ME3: variants seen among roughly 807,000 people sequenced by gnomAD.
ME3 encodes the protein malic enzyme 3.
Under a neutral mutation model 68.9 loss-of-function variants are expected in ME3, and 48 were observed. That is an observed-to-expected ratio of 0.70 (90% CI 0.55 to 0.89). The LOEUF is 0.89. Among genes scored for constraint, ME3 ranks in the 40% least tolerant of loss-of-function variants. The pLI, the probability that ME3 is intolerant of heterozygous loss-of-function variation, is 0.00. For synonymous variants in ME3, 320 were observed against 318.8 expected (o/e 1.00, Z -0.04); for missense variants, 675 against 797.4 (o/e 0.85, Z 1.85).
intron 2 of ME3, among the ~76,000 whole-genome samples, chr11:86,655,704 T>G (rs1478416658): frequency 6.6e-6 from 1 of 151,678 alleles, no homozygotes; most frequent in Non-Finnish European, 1.5e-5. Context: ...ACTTCATGTC[T>G]AAAACACCAA....
chr11:86,437,332 A>G (rs1948903648), downstream of ME3: 1 of 152,128 alleles, frequency 6.6e-6, no homozygotes, highest in Non-Finnish European at 1.5e-5. Flanking sequence ...GGAAACTTAG[A>G]TTAATTTCAT....
chr11:86,563,642 G>A (rs551642214), intron 2 of ME3, among the ~76,000 whole-genome samples: 27 of 152,226 alleles, frequency 1.8e-4, no homozygotes, highest in Middle Eastern at 6.8e-3. Flanking sequence ...AAAACGAAGA[G>A]GTCCAGTTTT....
At chr11:86,636,895 G>A (rs905627557) in intron 2 of ME3, among the ~76,000 whole-genome samples, 3 of 152,196 alleles carry the variant, frequency 2.0e-5, no homozygotes, top group Non-Finnish European at 4.4e-5. Flanking sequence ...CACAGCAGCT[G>A]GTAAGTAGCA....
At chr11:86,534,399 G>GT (rs2139297689) in intron 4 of ME3, among the ~76,000 whole-genome samples, 1 of 152,134 alleles carries the variant, frequency 6.6e-6, no homozygotes, top group Admixed American at 6.5e-5. Flanking sequence ...CTTAGGCTGG[G>GT]CGAGGTGGCT....
rs1482175040 is a variant in ME3 at position 86,552,190 on chromosome 11, T to A, written c.467+4363A>T. ...TCCCAAGCAGCCATGTGAATAAGTGTTATTTCCATTTCACACATGAGGAGG... is the reference window on the plus strand; with the variant it reads ...TCCCAAGCAGCCATGTGAATAAGTGATATTTCCATTTCACACATGAGGAGG... On this transcript the variant is annotated intron_variant, in intron 4 of 14. Coordinates refer to ENST00000543262, the Ensembl canonical transcript of ME3. 2.6e-5 allele frequency among the ~76,000 whole-genome samples: 4 copies of A among 152,132 alleles called. No homozygotes were observed. In the East Asian group the frequency reaches 7.7e-4, roughly 29 times the overall value.
intron 2 of ME3, among the ~76,000 whole-genome samples, chr11:86,628,726 G>A (rs987851210): frequency 3.3e-5 from 5 of 152,126 alleles, no homozygotes; most frequent in East Asian, 1.9e-4. Flanking sequence ...AGGTAACCAC[G>A]TCAGAAAATG....
chr11:86,661,213 C>T (rs865774328), intron 2 of ME3, among the ~76,000 whole-genome samples: 1 of 152,230 alleles, frequency 6.6e-6, no homozygotes, highest in African/African-American at 2.4e-5. Flanking sequence ...AGAGCCATGA[C>T]TACTACAAAT....
At chr11:86,520,952 C>G (rs564732405) in intron 4 of ME3, among the ~76,000 whole-genome samples, 1 of 152,214 alleles carries the variant, frequency 6.6e-6, no homozygotes, top group African/African-American at 2.4e-5. Flanking sequence ...CTCTAGAGTT[C>G]CATGACTCTA....
At chr11:86,465,244 G>A in intron 7 of ME3, 44 bp from the exon 8 acceptor site, 1 of 1,448,908 alleles carries the variant, frequency 6.9e-7, no homozygotes, top group African/African-American at 1.4e-5. Flanking sequence ...CCTCTCTGAG[G>A]CAGATCCCTG....
intron 5 of ME3, among the ~76,000 whole-genome samples, chr11:86,500,340 C>T (rs72951784): frequency 2.9e-4 from 44 of 152,368 alleles, no homozygotes; most frequent in Non-Finnish European, 5.9e-4. Flanking sequence ...TGTAGTGGCA[C>T]TCTCCCAGCC....
chr11:86,451,933 G>A (rs1476553161), intron 8 of ME3, among the ~76,000 whole-genome samples: 1 of 152,208 alleles, frequency 6.6e-6, no homozygotes, highest in Non-Finnish European at 1.5e-5. Context: ...TAGATCAGTA[G>A]AATGGCCTAC....
intron 4 of ME3, among the ~76,000 whole-genome samples, chr11:86,525,135 C>G (rs773527423): frequency 6.6e-6 from 1 of 152,162 alleles, no homozygotes; most frequent in South Asian, 2.1e-4. Flanking sequence ...AATTCTAGGT[C>G]ATCTGGTTAG....
At chr11:86,647,479 C>T (rs1438105180) in intron 2 of ME3, among the ~76,000 whole-genome samples, 3 of 142,248 alleles carry the variant, frequency 2.1e-5, no homozygotes, top group East Asian at 2.1e-4. Flanking sequence ...AGCGAGACTC[C>T]ATCTCAAAAA....
chr11:86,629,144 A>G (rs766765745), intron 2 of ME3, among the ~76,000 whole-genome samples: 3 of 152,168 alleles, frequency 2.0e-5, no homozygotes, highest in Non-Finnish European at 4.4e-5. Flanking sequence ...GGGGAAAGAA[A>G]ACCCAGGCCT....
At chr11:86,606,133 T>A (rs530349405) in intron 2 of ME3, among the ~76,000 whole-genome samples, 27 of 152,326 alleles carry the variant, frequency 1.8e-4, no homozygotes, top group East Asian at 3.9e-4. Context: ...AACAATATCA[T>A]GTGACCCTTA....
intron 2 of ME3, among the ~76,000 whole-genome samples, chr11:86,603,117 G>A (rs568322927): frequency 6.6e-6 from 1 of 152,218 alleles, no homozygotes; most frequent in Non-Finnish European, 1.5e-5. Flanking sequence ...TTAAACTAAA[G>A]AGCTTCAGCA....
At chr11:86,639,022 A>G (rs1277821917) in intron 2 of ME3, among the ~76,000 whole-genome samples, 3 of 152,166 alleles carry the variant, frequency 2.0e-5, no homozygotes, top group African/African-American at 7.2e-5. Flanking sequence ...ATCAACTACA[A>G]TACCCCAAAA....
chr11:86,613,106 A>G (rs1942709332), intron 2 of ME3, among the ~76,000 whole-genome samples: 1 of 152,146 alleles, frequency 6.6e-6, no homozygotes, highest in South Asian at 2.1e-4. Flanking sequence ...GAAGGGGTCC[A>G]GTTTCAGTTT....
intron 2 of ME3, among the ~76,000 whole-genome samples, chr11:86,643,205 G>T (rs1429746358): frequency 6.6e-6 from 1 of 152,014 alleles, no homozygotes; most frequent in Non-Finnish European, 1.5e-5. Context: ...TCTCCTACCT[G>T]GGGCCAGATG....
Sources: gnomAD v4.1 joint callset for allele counts (sites outside exome capture counted in the v4.1 genomes callset) on GRCh38, gnomAD v4.1.1 for gene constraint, MANE v1.5 for transcripts, NCBI Gene and HGNC (gene_info 2026-07-23, HGNC 2026-07-21) for gene names.